Variants in NCOR1 observed in about 807,000 individuals in gnomAD.
The protein encoded by NCOR1 is nuclear receptor corepressor 1, also known as protein phosphatase 1, regulatory subunit 109.
Under a neutral mutation model 288.1 loss-of-function variants are expected in NCOR1, and 63 were observed. The ratio of observed to expected loss-of-function variants is 0.22; its 90% CI spans 0.18 to 0.27. The LOEUF is 0.27. NCOR1 is among the 10% of genes least tolerant of loss of function. The pLI is 1.00. For synonymous variants in NCOR1, 1,007 were observed against 1,065.9 expected, an observed-to-expected ratio of 0.94 and a Z score of 1.08; for missense variants, 2,397 against 3,019.2, an observed-to-expected ratio of 0.79 and a Z score of 4.83.
At chr17:16,069,110 C>T (rs1214990650) in intron 31 of NCOR1, among the ~76,000 whole-genome samples, 1 of 152,162 alleles carries the variant, frequency 6.6e-6, no homozygotes, top group African/African-American at 2.4e-5. Flanking sequence ...GCATTAAGTA[C>T]AAGCATGATG....
At chr17:16,052,449 A>C (rs990007206) in intron 40 of NCOR1, among the ~76,000 whole-genome samples, 1 of 152,198 alleles carries the variant, frequency 6.6e-6, no homozygotes, top group African/African-American at 2.4e-5. Context: ...AAACACAAAC[A>C]ATCATAAGAA....
intron 17 of NCOR1, among the ~76,000 whole-genome samples, chr17:16,118,668 A>T (rs986682863): frequency 6.6e-6 from 1 of 152,220 alleles, no homozygotes; most frequent in Non-Finnish European, 1.5e-5. Context: ...TGATACAAAA[A>T]AATATGAAAT....
intron 44 of NCOR1, 82 bp downstream of exon 44, chr17:16,039,351 C>G: frequency 7.7e-7 from 1 of 1,302,638 alleles, no homozygotes; most frequent in South Asian, 1.3e-5. Flanking sequence ...AATGAAATGT[C>G]TTAGTGATGC....
At chr17:16,035,219 G>T (rs1974033197) in intron 44 of NCOR1, among the ~76,000 whole-genome samples, 1 of 152,176 alleles carries the variant, frequency 6.6e-6, no homozygotes, top group South Asian at 2.1e-4. Context: ...GATGGCTGTG[G>T]CAATTTCTTT....
At chr17:16,211,229 C>A (rs192890649) in intron 1 of NCOR1, among the ~76,000 whole-genome samples, 155 of 151,676 alleles carry the variant, frequency 1.0e-3, no homozygotes, top group Admixed American at 4.8e-3. Context: ...ACTCTACATT[C>A]TATAAATTAG....
chr17:16,096,823 A>T (rs1567991429), intron 21 of NCOR1, among the ~76,000 whole-genome samples: 3 of 152,228 alleles, frequency 2.0e-5, no homozygotes. Context: ...CCAAGGTGCT[A>T]AAATCAAGGG....
chr17:16,179,957 C>CAA (rs34531259), intron 3 of NCOR1, among the ~76,000 whole-genome samples: 141 of 75,340 alleles, frequency 1.9e-3, no homozygotes, highest in African/African-American at 3.1e-3. Flanking sequence ...GACTCTGTCT[C>CAA]AAAAAAAAAA....
At position 16,194,486 on chromosome 17, in the gene NCOR1, T is replaced by A. The variant is rs755914476; in HGVS notation, c.84A>T (p.Thr28=). The A allele has an allele frequency of 6.2e-7, 1 of 1,609,346 alleles. No homozygotes were observed. The highest frequency in any genetic ancestry group is 1.3e-5 in the African/African-American group (1 of 74,940). ...SRYPPHSVQY[T]FPNTRHQQEF... is the part of the protein sequence containing the mutation. ...CCTGCTGGTGGCGGGTGTTGGGAAA[T>A]GTATACTGGACAGAGTGAGGAGGAT... The change falls in exon 2 of 46, where the codon ACA becomes ACT. Residue 28 remains threonine, a synonymous_variant. Coordinates refer to ENST00000268712, the MANE Select transcript of NCOR1 (RefSeq NM_006311.4).
chr17:16,090,567 T>C (rs2065017828), intron 22 of NCOR1, among the ~76,000 whole-genome samples: 1 of 152,194 alleles, frequency 6.6e-6, no homozygotes, highest in South Asian at 2.1e-4. Context: ...CGATTAAGAA[T>C]TCCCTAGACC....
Position 16,146,545 on chromosome 17 carries a change from G to C in NCOR1, c.913C>G (p.Gln305Glu), listed in dbSNP as rs1472416240. ...RRNHARKQRE[Q>E]KICQRYDQLM... ...TGATCATAACGCTGGCAGATTTTTT[G>C]TTCCTATTAAATATCCGTAGCAAAT... is the stretch of plus-strand genomic sequence containing the variant. Residue 305 changes from glutamine to glutamate, a missense_variant, in exon 10 of 46, where the codon CAA becomes GAA. Physicochemically the swap from Gln to Glu is conservative, Grantham distance 29 (BLOSUM62 2). Coordinates refer to ENST00000268712, the MANE Select transcript of NCOR1 (RefSeq NM_006311.4). 6.3e-7 allele frequency: 1 copy of C among 1,578,096 alleles called. No individual in the cohort carries two copies.
chr17:16,188,228 A>G (rs1186728142), intron 2 of NCOR1, among the ~76,000 whole-genome samples: 1 of 152,226 alleles, frequency 6.6e-6, no homozygotes, highest in Non-Finnish European at 1.5e-5. Flanking sequence ...AGCCATTGAG[A>G]GCCCTTCTCT....
rs566243166 is a variant in NCOR1, at chr17:16,170,778, T to C, written c.435+1025A>G. Reference sequence around the variant, plus strand: ...TGAACCAGGACCCGGGAGGCGGAGATTGCAGTGAGCCAAGATCGCGCCACT... The same window carrying C: ...TGAACCAGGACCCGGGAGGCGGAGACTGCAGTGAGCCAAGATCGCGCCACT... On this transcript the variant is annotated intron_variant, in intron 4 of 45. Coordinates refer to ENST00000268712, the MANE Select transcript of NCOR1 (RefSeq NM_006311.4). 2.5e-3 allele frequency among the ~76,000 whole-genome samples: 375 copies of C among 151,240 alleles called. 6 individuals are homozygous for C. The highest frequency in any genetic ancestry group is 8.5e-3 in the African/African-American group (350 of 41,182).
At chr17:16,091,732 T>C in intron 22 of NCOR1, 131 bp downstream of exon 22, 1 of 1,509,128 alleles carries the variant, frequency 6.6e-7, no homozygotes, top group Non-Finnish European at 8.9e-7. Flanking sequence ...TTTAAGGAAC[T>C]GTGTCTGTTA....
chr17:16,124,962 GTAA>G (rs980998943), intron 15 of NCOR1, among the ~76,000 whole-genome samples: 38 of 152,282 alleles, frequency 2.5e-4, no homozygotes, highest in African/African-American at 7.2e-4. Flanking sequence ...CTTCTGAAAA[GTAA>G]TAATAACTCA....
At chr17:16,152,056 CAAAG>C (rs778939234) in intron 7 of NCOR1, 58 bp from the exon 8 acceptor site, 430 of 1,170,452 alleles carry the variant, frequency 3.7e-4, no homozygotes, top group Non-Finnish European at 4.9e-4. Flanking sequence ...TATGAAGAGA[CAAAG>C]AAACATAATT....
chr17:16,074,203 A>G (rs751109311), intron 27 of NCOR1, among the ~76,000 whole-genome samples: 11 of 152,206 alleles, frequency 7.2e-5, no homozygotes, highest in Admixed American at 1.3e-4. Context: ...CTAAGCTGAA[A>G]GCAGCTCCTG....
intron 6 of NCOR1, among the ~76,000 whole-genome samples, chr17:16,154,250 T>TGA (rs2079346111): frequency 6.6e-6 from 1 of 152,108 alleles, no homozygotes; most frequent in Non-Finnish European, 1.5e-5. Flanking sequence ...AATCTTCCCT[T>TGA]GCTAAGATTA....
At chr17:16,076,946 C>T (rs1041436162) in intron 26 of NCOR1, among the ~76,000 whole-genome samples, 19 of 152,220 alleles carry the variant, frequency 1.2e-4, no homozygotes, top group African/African-American at 4.3e-4. Flanking sequence ...CAATTCTCCA[C>T]GACAACACCT....
At chr17:16,157,696 C>G (rs2080042395) in intron 6 of NCOR1, among the ~76,000 whole-genome samples, 1 of 150,860 alleles carries the variant, frequency 6.6e-6, no homozygotes, top group South Asian at 2.2e-4. Context: ...AAACCCTATT[C>G]TATCCCACAG....
Sources: gnomAD v4.1 joint callset for allele counts (sites outside exome capture counted in the v4.1 genomes callset) on GRCh38, gnomAD v4.1.1 for gene constraint, MANE v1.5 for transcripts, NCBI Gene and HGNC (gene_info 2026-07-23, HGNC 2026-07-21) for gene names.